MAGI3: variants seen among roughly 807,000 people sequenced by gnomAD.
The protein encoded by MAGI3 is membrane-associated guanylate kinase, WW and PDZ domain-containing protein 3.
A neutral mutation model predicts 121.8 loss-of-function variants in MAGI3; 43 were observed. That is an observed-to-expected ratio of 0.35 (90% CI 0.28 to 0.46). The LOEUF (loss-of-function observed/expected upper bound fraction) is 0.46, where lower values mean the gene tolerates loss of function less well. Among genes scored for constraint, MAGI3 ranks in the 20% least tolerant of loss-of-function variants. MAGI3 has a pLI of 1.00. For missense variants in MAGI3, 1,547 were observed against 1,797.3 expected (o/e 0.86, Z 2.52); for synonymous variants, 553 against 639.3 (o/e 0.86, Z 2.04).
At chr1:113,452,455 T>TATAC (rs869158564) in intron 1 of MAGI3, among the ~76,000 whole-genome samples, 2 of 147,112 alleles carry the variant, frequency 1.4e-5, no homozygotes, top group Admixed American at 1.4e-4. Flanking sequence ...TGCATAGACA[T>TATAC]ACACACACAC....
intron 16 of MAGI3, among the ~76,000 whole-genome samples, chr1:113,662,572 C>CTTTTG (rs1010773276): frequency 3.9e-5 from 6 of 152,138 alleles, no homozygotes; most frequent in East Asian, 1.9e-4. Context: ...TGTTGCAATA[C>CTTTTG]TTTTGTTTTG....
At chr1:113,536,435 C>A (rs1441822280) in intron 1 of MAGI3, among the ~76,000 whole-genome samples, 1 of 152,168 alleles carries the variant, frequency 6.6e-6, no homozygotes, top group East Asian at 1.9e-4. Flanking sequence ...GTTCCAAGTA[C>A]AATTAGGGCA....
chr1:113,542,205 G>T (rs1557812973), intron 1 of MAGI3, among the ~76,000 whole-genome samples: 1 of 152,114 alleles, frequency 6.6e-6, no homozygotes, highest in East Asian at 1.9e-4. Context: ...TATGTTTTTT[G>T]ATCTAATAAC....
intron 1 of MAGI3, among the ~76,000 whole-genome samples, chr1:113,406,333 A>C (rs1340705734): frequency 6.6e-6 from 1 of 151,216 alleles, no homozygotes; most frequent in Non-Finnish European, 1.5e-5. Flanking sequence ...CTGTAGTTCC[A>C]GCTACTCAGG....
At chr1:113,673,247 T>C in intron 18 of MAGI3, 75 bp from the exon 19 acceptor site, 4 of 1,485,114 alleles carry the variant, frequency 2.7e-6, no homozygotes, top group African/African-American at 2.8e-5. Flanking sequence ...CTTCCAGCTA[T>C]AGAAGTAATC....
At chr1:113,462,608 G>C (rs1470560966) in intron 1 of MAGI3, among the ~76,000 whole-genome samples, 2 of 152,074 alleles carry the variant, frequency 1.3e-5, no homozygotes, top group Non-Finnish European at 2.9e-5. Flanking sequence ...TGGGAACTGG[G>C]CTTAATACCT....
chr1:113,398,459 C>T (rs373174303), intron 1 of MAGI3, among the ~76,000 whole-genome samples: 1 of 152,104 alleles, frequency 6.6e-6, no homozygotes, highest in African/African-American at 2.4e-5. Context: ...ACAATGTGAA[C>T]GGTAACCGAT....
intron 1 of MAGI3, among the ~76,000 whole-genome samples, chr1:113,442,555 GTA>G (rs1297284019): frequency 1.3e-5 from 2 of 151,114 alleles, no homozygotes; most frequent in Admixed American, 6.6e-5. Context: ...ATATATATGT[GTA>G]TATATATATG....
intron 1 of MAGI3, among the ~76,000 whole-genome samples, chr1:113,423,284 G>C (rs1048995213): frequency 8.5e-6 from 1 of 118,190 alleles, no homozygotes; most frequent in Non-Finnish European, 1.8e-5. Flanking sequence ...TTTTGTTTTT[G>C]TTTTTGAGAC....
intron 1 of MAGI3, among the ~76,000 whole-genome samples, chr1:113,483,624 A>T (rs956620084): frequency 6.6e-6 from 1 of 152,184 alleles, no homozygotes; most frequent in African/African-American, 2.4e-5. Flanking sequence ...TAAGACAGAG[A>T]TGTTTAAATT....
chr1:113,629,757 TCTCTCCCTCCCTCC>T (rs1359301045), intron 9 of MAGI3, among the ~76,000 whole-genome samples: 1 of 95,694 alleles, frequency 1.0e-5, no homozygotes, highest in African/African-American at 4.2e-5. Context: ...TCTCTCTCTC[TCTCTCCCTCCCTCC>T]CTCCCTCCCT....
chr1:113,624,454 G>T (rs897513202), intron 9 of MAGI3, among the ~76,000 whole-genome samples: 4 of 152,168 alleles, frequency 2.6e-5, no homozygotes, highest in African/African-American at 9.7e-5. Flanking sequence ...TTTATCTGAT[G>T]ATCAATGACC....
chr1:113,631,358 G>C (rs2101803048), intron 9 of MAGI3, among the ~76,000 whole-genome samples: 1 of 152,208 alleles, frequency 6.6e-6, no homozygotes, highest in East Asian at 1.9e-4. Flanking sequence ...TGTTTCTGTG[G>C]GGGTAGGGGG....
chr1:113,391,337 A>G lies in MAGI3; in HGVS notation c.304A>G (p.Thr102Ala). The change falls in exon 1 of 21, where the codon ACT becomes GCT. Residue 102 changes from threonine (T) to alanine (A), a missense_variant. Physicochemically the swap from Thr to Ala is moderately conservative, Grantham distance 58 (BLOSUM62 0). Coordinates refer to ENST00000307546, the MANE Select transcript of MAGI3 (RefSeq NM_001142782.2). The surrounding 1 kb of genome is among the most constrained non-coding windows in gnomAD (Gnocchi z 4.4). ...RHFREPIRLK[T>A]VKPGKVINKD... is the part of the protein sequence containing the mutation. Reference sequence around the variant, plus strand: ...CTTCCGCGAGCCCATCCGTCTCAAGACTGTGAAACCAGGTACGCCGGCCCT... The same window carrying G: ...CTTCCGCGAGCCCATCCGTCTCAAGGCTGTGAAACCAGGTACGCCGGCCCT... 6.3e-7 allele frequency: 1 copy of G among 1,595,970 alleles called. No homozygotes were observed. Among genetic ancestry groups the G allele is most frequent in the African/African-American group, 1.3e-5 (1 of 74,346 alleles).
chr1:113,618,912 T>A (rs1016635073), intron 7 of MAGI3, among the ~76,000 whole-genome samples: 1 of 152,216 alleles, frequency 6.6e-6, no homozygotes, highest in African/African-American at 2.4e-5. Flanking sequence ...CTATTCGAGG[T>A]CCTAAACATC....
At chr1:113,640,263 C>T (rs538664179) in intron 9 of MAGI3, among the ~76,000 whole-genome samples, 14 of 148,914 alleles carry the variant, frequency 9.4e-5, no homozygotes, top group South Asian at 2.3e-4. Context: ...GAAACAGGAA[C>T]GCTTTTACAC....
rs143155807 is a variant in MAGI3 at position 113,685,076 on chromosome 1, T to A, written c.*1062T>A. ...GTGTTTAAAAACAACCTGTGTAGGGTATGCCCAGCAAATGAGGACAAATGT... is the reference window on the plus strand; with the variant it reads ...GTGTTTAAAAACAACCTGTGTAGGGAATGCCCAGCAAATGAGGACAAATGT... On this transcript the variant is annotated 3_prime_UTR_variant, in exon 21 of 21. Transcript: ENST00000307546. The A allele has an allele frequency of 7.7e-4, 118 of 152,482 alleles. No homozygotes were observed. Among genetic ancestry groups the A allele is most frequent in the African/African-American group, 2.7e-3 (112 of 41,574 alleles). The allele number at this position is 152,482 out of a possible 1,614,324, so 9.4% of individuals were successfully genotyped here.
At chr1:113,430,193 A>G (rs568550248) in intron 1 of MAGI3, among the ~76,000 whole-genome samples, 1 of 152,324 alleles carries the variant, frequency 6.6e-6, no homozygotes, top group Admixed American at 6.5e-5. Context: ...AGTGGAGTCT[A>G]TGAAGGTGTT....
intron 9 of MAGI3, among the ~76,000 whole-genome samples, chr1:113,633,225 A>G (rs1380090977): frequency 7.2e-6 from 1 of 138,526 alleles, no homozygotes. Context: ...CCTACAAAGG[A>G]CATGAACTCA....
Sources: allele counts gnomAD v4.1 joint callset (sites outside exome capture counted in the v4.1 genomes callset), GRCh38; gene constraint gnomAD v4.1.1; non-coding constraint Gnocchi (gnomAD v3.1); transcripts MANE v1.5; gene names NCBI Gene and HGNC (gene_info 2026-07-23, HGNC 2026-07-21).